Variants in EYA3 observed in about 807,000 individuals in gnomAD.
EYA3 encodes EYA transcriptional coactivator and phosphatase 3.
EYA3 carries 39 observed loss-of-function variants against 80.0 expected under a neutral mutation model. The observed-to-expected ratio is 0.49, with a 90% CI of 0.38 to 0.64. The LOEUF is 0.64. Among genes scored for constraint, EYA3 ranks in the 30% least tolerant of loss-of-function variants. The pLI, the probability that EYA3 is intolerant of heterozygous loss-of-function variation, is 0.00. For missense variants in EYA3, 523 were observed against 676.1 expected, an observed-to-expected ratio of 0.77 and a Z score of 2.51; for synonymous variants, 206 against 232.8, an observed-to-expected ratio of 0.88 and a Z score of 1.05.
At chr1:28,041,445 C>T (rs1410209437) in intron 4 of EYA3, among the ~76,000 whole-genome samples, 3 of 151,610 alleles carry the variant, frequency 2.0e-5, no homozygotes, top group Non-Finnish European at 4.4e-5. Context: ...CCCAGCTACT[C>T]GGGAGGCTGA....
Position 28,006,565 on chromosome 1 carries a change from GT to G in EYA3, c.910-2147del, listed in dbSNP as rs555992920. On this transcript the variant is annotated intron_variant, in intron 10 of 17. Coordinates refer to ENST00000373871, the MANE Select transcript of EYA3 (RefSeq NM_001990.4). ...ACTAAAAACACAAAAAATTAACCGGGTGTGGTGGCACGCGCCTGTAATCCCA... is the reference window on the plus strand; with the variant it reads ...ACTAAAAACACAAAAAATTAACCGGGGTGGTGGCACGCGCCTGTAATCCCA... 6.9e-3 allele frequency among the ~76,000 whole-genome samples: 1,042 copies of G among 152,112 alleles called. 5 individuals carry two copies. The highest frequency in any genetic ancestry group is 0.011 in the Non-Finnish European group (721 of 67,992).
intron 2 of EYA3, among the ~76,000 whole-genome samples, chr1:28,053,153 C>CAAAA (rs34075939): frequency 2.2e-4 from 16 of 72,494 alleles, no homozygotes; most frequent in Middle Eastern, 0.01. Flanking sequence ...GACCCCGTCT[C>CAAAA]AAAAAAAAAA....
intron 2 of EYA3, 64 bp downstream of exon 2, chr1:28,057,930 A>T: frequency 1.1e-6 from 1 of 946,216 alleles, no homozygotes; most frequent in Non-Finnish European, 1.6e-6. Context: ...ACTGAATAAT[A>T]ATTAAAATCT....
At chr1:28,017,765 T>C (rs993191470) in intron 7 of EYA3, among the ~76,000 whole-genome samples, 1 of 152,228 alleles carries the variant, frequency 6.6e-6, no homozygotes, top group African/African-American at 2.4e-5. Context: ...ACTCAAATAA[T>C]AGATTACTAA....
chr1:28,074,010 GTTTA>G (rs1246956595), intron 1 of EYA3, among the ~76,000 whole-genome samples: 3 of 152,024 alleles, frequency 2.0e-5, no homozygotes, highest in Non-Finnish European at 2.9e-5. Context: ...ACAATAAATA[GTTTA>G]TTTATTAGTA....
intron 6 of EYA3, among the ~76,000 whole-genome samples, chr1:28,034,085 A>AAAT (rs374562689): frequency 1.3e-5 from 2 of 151,760 alleles, no homozygotes; most frequent in Non-Finnish European, 2.9e-5. Flanking sequence ...CTCTGTCTCA[A>AAAT]AATAATAATA....
At chr1:28,000,212 G>A (rs1166966744) in intron 11 of EYA3, among the ~76,000 whole-genome samples, 163 bp from the exon 12 acceptor site, 1 of 152,200 alleles carries the variant, frequency 6.6e-6, no homozygotes, top group Non-Finnish European at 1.5e-5. Flanking sequence ...GAGAATCCAG[G>A]ATTGTAAAAT....
At chr1:28,061,886 A>C (rs1043340458) in intron 1 of EYA3, among the ~76,000 whole-genome samples, 1 of 150,940 alleles carries the variant, frequency 6.6e-6, no homozygotes, top group Non-Finnish European at 1.5e-5. Context: ...GGTGTGAGCC[A>C]CCGCGCCCGG....
chr1:27,971,316 A>C lies in EYA3; in HGVS notation c.*3150T>G, dbSNP rs1638715416. 1 of 152,668 alleles carries C rather than the reference A, an allele frequency of 6.6e-6. No individual in the cohort carries two copies. Among genetic ancestry groups the C allele is most frequent in the Non-Finnish European group, 1.5e-5 (1 of 68,492 alleles). 9.5% of individuals were successfully genotyped at this position (152,668 alleles called of 1,614,324 possible). A position where few individuals can be genotyped will look rare whatever the true frequency, so the allele number is the denominator to read the frequency against. On this transcript the variant is annotated 3_prime_UTR_variant, in exon 18 of 18. Transcript: ENST00000373871. The stretch of plus-strand genomic sequence containing the variant: ...CCTGTAGAACCCACAGTGCCTGGCC[A>C]GGCATGGTGGCTCATGCCTGTAATC...
rs938593876 is a variant in EYA3 at position 27,977,017 on chromosome 1, C to A, written c.1641+1357G>T. ...ATAGGCATGAGCCACCGTGCCCAGC[C>A]TCAATGGATGTATTCTGTTGTAGAT... is the stretch of plus-strand genomic sequence containing the variant. On this transcript the variant is annotated intron_variant, in intron 17 of 17. Coordinates refer to ENST00000373871, the MANE Select transcript of EYA3 (RefSeq NM_001990.4). The A allele has an allele frequency of 3.0e-5, 30 of 985,376 alleles. No homozygotes were observed. In the South Asian group the frequency reaches 1.3e-3, roughly 42 times the overall value. The allele number at this position is 985,376 out of a possible 1,614,324, so 61.0% of individuals were successfully genotyped here.
At chr1:28,010,883 T>C (rs1444451206) in intron 10 of EYA3, 64 bp downstream of exon 10, 1 of 1,554,380 alleles carries the variant, frequency 6.4e-7, no homozygotes, top group Non-Finnish European at 8.7e-7. Flanking sequence ...TTCAAAAACA[T>C]GTTTGATAAA....
At chr1:28,026,146 A>G (rs907372443) in intron 7 of EYA3, among the ~76,000 whole-genome samples, 5 of 152,264 alleles carry the variant, frequency 3.3e-5, no homozygotes, top group African/African-American at 1.2e-4. Context: ...CAGCTATCAC[A>G]TTCCTCAAAT....
chr1:28,071,505 T>C (rs181868984), intron 1 of EYA3, among the ~76,000 whole-genome samples: 1 of 152,336 alleles, frequency 6.6e-6, no homozygotes, highest in Admixed American at 6.5e-5. Context: ...AGAACGTTGA[T>C]AAACACATCA....
intron 5 of EYA3, among the ~76,000 whole-genome samples, chr1:28,036,995 G>A (rs1247770035): frequency 6.6e-6 from 1 of 152,154 alleles, no homozygotes; most frequent in East Asian, 1.9e-4. Context: ...ATAGAGTAAG[G>A]AAAGCAAGGG....
intron 16 of EYA3, among the ~76,000 whole-genome samples, chr1:27,987,329 C>A (rs895797631): frequency 6.6e-6 from 1 of 152,192 alleles, no homozygotes; most frequent in Admixed American, 6.5e-5. Context: ...TTTCACTGTA[C>A]GTGTATACCA....
At chr1:28,076,587 T>C (rs1340731075) in intron 1 of EYA3, among the ~76,000 whole-genome samples, 1 of 149,384 alleles carries the variant, frequency 6.7e-6, no homozygotes, top group East Asian at 2.0e-4. Flanking sequence ...GGCACATGCC[T>C]GTAGTCCCAG....
chr1:28,023,761 A>G (rs1642598645), intron 7 of EYA3, among the ~76,000 whole-genome samples: 1 of 152,222 alleles, frequency 6.6e-6, no homozygotes, highest in Non-Finnish European at 1.5e-5. Flanking sequence ...ATAAAAACAC[A>G]GGAAATCTGA....
Position 28,013,306 on chromosome 1 carries a change from A to G in EYA3, c.586-12T>C. 3.1e-6 allele frequency: 5 copies of G among 1,592,850 alleles called. No individual in the cohort carries two copies. Among genetic ancestry groups the G allele is most frequent in the Non-Finnish European group, 4.3e-6 (5 of 1,169,670 alleles). On this transcript the variant is annotated splice_polypyrimidine_tract_variant and intron_variant, in intron 8 of 17. Transcript: ENST00000373871. This position sits in a 1 kb window ranked among gnomAD's most constrained non-coding sequence, Gnocchi z 4.0. Reference sequence around the variant, plus strand: ...TAGGTGGGATAATCCTGCAGGCCAAAGGAAATAAGAAAACAAGACTCTTAT... The same window carrying G: ...TAGGTGGGATAATCCTGCAGGCCAAGGGAAATAAGAAAACAAGACTCTTAT...
At chr1:28,085,890 A>G (rs902055596) in intron 1 of EYA3, among the ~76,000 whole-genome samples, 1 of 152,224 alleles carries the variant, frequency 6.6e-6, no homozygotes, top group Non-Finnish European at 1.5e-5. Flanking sequence ...AATGGCTTCA[A>G]TGCAGAATAT....
Sources: gnomAD v4.1 joint callset for allele counts (sites outside exome capture counted in the v4.1 genomes callset) on GRCh38, gnomAD v4.1.1 for gene constraint, Gnocchi (gnomAD v3.1) non-coding constraint, MANE v1.5 for transcripts, NCBI Gene and HGNC (gene_info 2026-07-23, HGNC 2026-07-21) for gene names.